The following RAD52 variants were observed in gnomAD, a reference collection of about 807,000 sequenced individuals.
RAD52 encodes DNA repair protein RAD52 homolog.
RAD52 carries 47 observed loss-of-function variants against 55.5 expected under a neutral mutation model. The observed-to-expected ratio is 0.85, with a 90% confidence interval of 0.67 to 1.08. RAD52 has a LOEUF of 1.08. RAD52 is among the 50% of genes least tolerant of loss of function. The probability of loss-of-function intolerance (pLI) is 0.00; values close to 1 mark genes in which losing one functional copy is unlikely to be tolerated. For synonymous variants in RAD52, 184 were observed against 198.9 expected, an observed-to-expected ratio of 0.92 and a Z score of 0.63; for missense variants, 468 against 522.8, an observed-to-expected ratio of 0.90 and a Z score of 1.02.
intron 1 of RAD52, among the ~76,000 whole-genome samples, chr12:944,926 G>A (rs1257677784): frequency 6.6e-6 from 1 of 152,082 alleles, no homozygotes; most frequent in Non-Finnish European, 1.5e-5. Context: ...GATGTGACAA[G>A]GTGATGGGTG....
At chr12:930,933 C>T (rs999120284) in intron 3 of RAD52, among the ~76,000 whole-genome samples, 1 of 150,606 alleles carries the variant, frequency 6.6e-6, no homozygotes. Context: ...CACCACTGGT[C>T]GGACTCCAGC....
At chr12:916,012 C>A (rs1296927820) in intron 9 of RAD52, among the ~76,000 whole-genome samples, 1 of 152,102 alleles carries the variant, frequency 6.6e-6, no homozygotes, top group Non-Finnish European at 1.5e-5. Flanking sequence ...CCACCGTGCC[C>A]GGCCAAGGCT....
intron 1 of RAD52, among the ~76,000 whole-genome samples, chr12:965,419 T>C (rs1218918629): frequency 6.6e-6 from 1 of 152,090 alleles, no homozygotes; most frequent in Non-Finnish European, 1.5e-5. Flanking sequence ...TCTTGATGCG[T>C]ACAGGTTCAT....
chr12:963,463 G>A (rs1290978564), intron 1 of RAD52, among the ~76,000 whole-genome samples: 1 of 152,014 alleles, frequency 6.6e-6, no homozygotes, highest in African/African-American at 2.4e-5. Flanking sequence ...TTTAGAGTGT[G>A]GCTGGTAGAA....
intron 1 of RAD52, among the ~76,000 whole-genome samples, chr12:981,458 G>A (rs1049484762): frequency 1.3e-5 from 2 of 152,158 alleles, no homozygotes; most frequent in Non-Finnish European, 2.9e-5. Flanking sequence ...TTCTGACTGT[G>A]AATGTATGAA....
chr12:914,306 G>A, intron 10 of RAD52, 125 bp downstream of exon 10: 1 of 1,404,350 alleles, frequency 7.1e-7, no homozygotes. Context: ...CTGGACATAT[G>A]CTATCAGCCA....
chr12:979,144 A>C (rs771454337), intron 1 of RAD52, among the ~76,000 whole-genome samples: 1 of 152,236 alleles, frequency 6.6e-6, no homozygotes, highest in Non-Finnish European at 1.5e-5. Context: ...GAGGTAAGTA[A>C]GGTTAAATGA....
intron 1 of RAD52, among the ~76,000 whole-genome samples, chr12:947,391 T>C (rs946706799): frequency 2.2e-4 from 34 of 151,480 alleles, no homozygotes; most frequent in African/African-American, 8.0e-4. Flanking sequence ...CTCACACCTG[T>C]AATCCCAGCA....
chr12:915,850 G>A (rs1259783918), intron 9 of RAD52, among the ~76,000 whole-genome samples: 1 of 152,098 alleles, frequency 6.6e-6, no homozygotes, highest in Non-Finnish European at 1.5e-5. Context: ...GAGTAGGGGG[G>A]ACCACAGGCA....
chr12:914,395 C>G, intron 10 of RAD52, 36 bp downstream of exon 10: 1 of 1,611,256 alleles, frequency 6.2e-7, no homozygotes. Context: ...TAGAAACATA[C>G]AGCACAGTAG....
intron 1 of RAD52, among the ~76,000 whole-genome samples, chr12:939,230 G>A (rs1039737707): frequency 4.0e-5 from 6 of 151,876 alleles, no homozygotes; most frequent in Admixed American, 1.3e-4. Context: ...ATGGCTCACC[G>A]TACCCTCAAA....
Position 933,067 on chromosome 12 carries a change from T to G in RAD52, c.-9A>C. 6.2e-7 allele frequency: 1 copy of G among 1,610,028 alleles called. No homozygotes were observed. Among genetic ancestry groups the G allele is most frequent in the South Asian group, 1.1e-5 (1 of 91,014 alleles). Reference sequence around the variant, plus strand: ...TCCTCAGTCCCAGACATCTTGATTCTGGTTGACCTCTATATAAATAAAAAG... The same window carrying G: ...TCCTCAGTCCCAGACATCTTGATTCGGGTTGACCTCTATATAAATAAAAAG... On this transcript the variant is annotated 5_prime_UTR_variant, in exon 2 of 12. Coordinates refer to ENST00000358495, the MANE Select transcript of RAD52 (RefSeq NM_134424.4).
At chr12:928,220 G>T (rs1291737567) in intron 5 of RAD52, among the ~76,000 whole-genome samples, 1 of 152,084 alleles carries the variant, frequency 6.6e-6, no homozygotes, top group Non-Finnish European at 1.5e-5. Flanking sequence ...GTTCATTCAA[G>T]AAATAAGTAG....
intron 1 of RAD52, among the ~76,000 whole-genome samples, chr12:941,400 C>A (rs540077493): frequency 6.6e-6 from 1 of 151,696 alleles, no homozygotes; most frequent in Non-Finnish European, 1.5e-5. Context: ...CTCACTGCAA[C>A]CTCTGCCTCC....
rs1270273293 is a variant in RAD52, at chr12:913,982, C to T, written c.1107G>A (p.Arg369=). The T allele has an allele frequency of 1.4e-5, 22 of 1,613,976 alleles. No homozygotes were observed. Among genetic ancestry groups the T allele is most frequent in the Non-Finnish European group, 1.9e-5 (22 of 1,180,026 alleles). ...ALNNQMVTQN[R]TPHSVCHQKP... is the part of the protein sequence containing the mutation. ...TCTGGTGGCAAACGCTGTGTGGAGT[C>T]CTGTTCTGGGTCACCATCTGGTTGT... Residue 369 remains arginine, a synonymous_variant, in exon 11 of 12, where the codon AGG becomes AGA. Coordinates refer to ENST00000358495, the MANE Select transcript of RAD52 (RefSeq NM_134424.4).
intron 1 of RAD52, among the ~76,000 whole-genome samples, chr12:981,375 A>C (rs1959013109): frequency 6.6e-6 from 1 of 151,842 alleles, no homozygotes; most frequent in Non-Finnish European, 1.5e-5. Flanking sequence ...AATAATAAAA[A>C]CCCAAAATAA....
chr12:957,408 G>A (rs1958621903), intron 1 of RAD52, among the ~76,000 whole-genome samples: 1 of 140,392 alleles, frequency 7.1e-6, no homozygotes, highest in South Asian at 2.3e-4. Flanking sequence ...GGAGGTTGCA[G>A]TGACCCAAGA....
chr12:920,862 A>G (rs1956689929), intron 7 of RAD52, among the ~76,000 whole-genome samples: 1 of 152,354 alleles, frequency 6.6e-6, no homozygotes, highest in Non-Finnish European at 1.5e-5. Context: ...TCTCAAGTAC[A>G]CATGGAACAT....
chr12:925,487 T>C lies in RAD52; in HGVS notation c.506A>G (p.Lys169Arg). ...GNALGNCILD[K>R]DYLRSLNKLP... ...CTTATTTAGTGATCTCAGGTAGTCT[T>C]TGTCCAGAATACAGTTTCCAAGTGC... The change falls in exon 7 of 12, where the codon AAA (lysine) becomes AGA (arginine). Residue 169 changes from lysine to arginine, a missense_variant. Coordinates refer to ENST00000358495, the MANE Select transcript of RAD52 (RefSeq NM_134424.4). 6.2e-7 allele frequency: 1 copy of C among 1,614,030 alleles called. No individual in the cohort carries two copies. Among genetic ancestry groups the C allele is most frequent in the Non-Finnish European group, 8.5e-7 (1 of 1,179,916 alleles).
Sources: allele counts gnomAD v4.1 joint callset (sites outside exome capture counted in the v4.1 genomes callset), GRCh38; gene constraint gnomAD v4.1.1; transcripts MANE v1.5; gene names NCBI Gene and HGNC (gene_info 2026-07-23, HGNC 2026-07-21).